The following NDUFAF6 variants were observed in gnomAD, a reference collection of about 807,000 sequenced individuals.
The protein encoded by NDUFAF6 is NADH dehydrogenase (ubiquinone) complex I, assembly factor 6.
A neutral mutation model predicts 40.8 loss-of-function variants in NDUFAF6; 45 were observed. The ratio of observed to expected loss-of-function variants is 1.10; its 90% CI spans 0.87 to 1.42. NDUFAF6 has a LOEUF of 1.42. Ranked by LOEUF, NDUFAF6 falls within the 40% of genes most tolerant of loss-of-function variation. The pLI is 0.00. For missense variants in NDUFAF6, 435 were observed against 418.5 expected (o/e 1.04, Z -0.34); for synonymous variants, 185 against 155.9 (o/e 1.19, Z -1.39).
chr8:95,039,731 C>G (rs1829948145), intron 3 of NDUFAF6, among the ~76,000 whole-genome samples: 1 of 151,816 alleles, frequency 6.6e-6, no homozygotes, highest in Admixed American at 6.6e-5. Flanking sequence ...GGGCTTTATC[C>G]TCCTGCGTCA....
intron 2 of NDUFAF6, among the ~76,000 whole-genome samples, chr8:95,004,541 G>A (rs193223660): frequency 1.3e-5 from 2 of 151,928 alleles, no homozygotes; most frequent in East Asian, 3.9e-4. Flanking sequence ...GTAGAAATGG[G>A]GTCTTTCTGT....
At chr8:94,954,261 C>T (rs972356489), upstream of NDUFAF6, among the ~76,000 whole-genome samples, 3 of 152,100 alleles carry the variant, frequency 2.0e-5, no homozygotes, top group Admixed American at 2.0e-4. Flanking sequence ...CAGGGTTTCA[C>T]CATGTTGGCC....
At chr8:95,073,803 C>T (rs1353753527) in intron 9 of NDUFAF6, among the ~76,000 whole-genome samples, 2 of 152,130 alleles carry the variant, frequency 1.3e-5, no homozygotes, top group Admixed American at 6.5e-5. Context: ...AGGGGAGAAA[C>T]CCAAAGAGTA....
At chr8:94,984,135 A>C (rs1825656167) in intron 2 of NDUFAF6, 1 of 152,226 alleles carries the variant, frequency 6.6e-6, no homozygotes, top group African/African-American at 2.4e-5. Flanking sequence ...CAGAAACCAG[A>C]GGTCCTATCA....
At chr8:95,049,752 C>T (rs1247115954) in intron 7 of NDUFAF6, among the ~76,000 whole-genome samples, 1 of 152,154 alleles carries the variant, frequency 6.6e-6, no homozygotes, top group Non-Finnish European at 1.5e-5. Flanking sequence ...ATAACATCTT[C>T]CTTTTCCATC....
intron 2 of NDUFAF6, among the ~76,000 whole-genome samples, chr8:95,010,338 C>T (rs1299415792): frequency 1.3e-5 from 2 of 152,152 alleles, no homozygotes; most frequent in East Asian, 1.9e-4. Flanking sequence ...GAGGAGGCCT[C>T]GGCCTCCCAA....
At chr8:95,039,346 G>A (rs1221543603) in intron 3 of NDUFAF6, among the ~76,000 whole-genome samples, 3 of 151,778 alleles carry the variant, frequency 2.0e-5, no homozygotes, top group Admixed American at 6.6e-5. Flanking sequence ...CCAGTTACTC[G>A]GGAGGCTGAG....
chr8:94,949,755 C>T (rs1177345813), intron 2 of NDUFAF6, among the ~76,000 whole-genome samples: 3 of 152,128 alleles, frequency 2.0e-5, no homozygotes, highest in African/African-American at 7.2e-5. Flanking sequence ...CGACCCCTCT[C>T]GCCGAGTGAA....
At chr8:95,115,406 C>A (rs570253254) in intron 4 of NDUFAF6, 1 of 152,160 alleles carries the variant, frequency 6.6e-6, no homozygotes, top group Non-Finnish European at 1.5e-5. Flanking sequence ...GTTATATTAT[C>A]ATTTCTTGGA....
downstream of NDUFAF6, among the ~76,000 whole-genome samples, chr8:95,077,669 C>T (rs1301783507): frequency 6.6e-6 from 1 of 152,168 alleles, no homozygotes; most frequent in Non-Finnish European, 1.5e-5. Context: ...GACAAGAGGG[C>T]ACTACTCTAC....
chr8:95,016,015 G>T (rs747874473), intron 2 of NDUFAF6, among the ~76,000 whole-genome samples: 1 of 152,102 alleles, frequency 6.6e-6, no homozygotes, highest in African/African-American at 2.4e-5. Flanking sequence ...CTGTTATCCC[G>T]GATGCTTACC....
At position 95,047,116 on chromosome 8, in the gene NDUFAF6, A is replaced by T. The variant is rs1255175968; in HGVS notation, c.703A>T (p.Ile235Phe). Residue 235 changes from isoleucine to phenylalanine, a missense_variant, in exon 6 of 9, where the codon ATT becomes TTT. Transcript: ENST00000396124. ...AAGAAAGGTGTTCCTTCCCATGGAT[A>T]TTTGTATGCTGGTAAGGCTGTAATT... ...SRRKVFLPMD[I>F]CMLHGVSQED... 6.2e-7 allele frequency: 1 copy of T among 1,614,148 alleles called. No individual in the cohort carries two copies. The highest frequency in any genetic ancestry group is 1.1e-5 in the South Asian group (1 of 91,084).
intron 1 of NDUFAF6, among the ~76,000 whole-genome samples, chr8:94,925,127 C>T (rs61099281): frequency 0.029 from 4,395 of 152,210 alleles, 186 homozygotes; most frequent in African/African-American, 0.098. Flanking sequence ...TCCTTCTTAC[C>T]CCTGGCACCC....
chr8:94,958,866 G>A (rs1289123655), intron 1 of NDUFAF6, among the ~76,000 whole-genome samples: 3 of 152,068 alleles, frequency 2.0e-5, no homozygotes, highest in Non-Finnish European at 4.4e-5. Context: ...ATGAATTTGC[G>A]AGGCACACAA....
chr8:95,114,417 G>C (rs1168577219), intron 4 of NDUFAF6, among the ~76,000 whole-genome samples: 1 of 152,204 alleles, frequency 6.6e-6, no homozygotes, highest in Non-Finnish European at 1.5e-5. Context: ...TGACTTTCCT[G>C]TGATTTCCCC....
intron 1 of NDUFAF6, among the ~76,000 whole-genome samples, chr8:94,898,787 C>T (rs990456917): frequency 1.3e-5 from 2 of 152,134 alleles, no homozygotes; most frequent in Admixed American, 6.5e-5. Flanking sequence ...TTAACTTAGT[C>T]ATTTATTCCT....
chr8:94,904,287 G>A (rs1818228540), intron 1 of NDUFAF6, among the ~76,000 whole-genome samples: 1 of 136,482 alleles, frequency 7.3e-6, no homozygotes, highest in Non-Finnish European at 1.5e-5. Context: ...GGGACTACAG[G>A]CACCCACCAT....
At chr8:94,957,609 G>A (rs1462664452), upstream of NDUFAF6, among the ~76,000 whole-genome samples, 1 of 152,160 alleles carries the variant, frequency 6.6e-6, no homozygotes, top group Admixed American at 6.5e-5. Flanking sequence ...TCTAGATCCA[G>A]CAAGATGGTC....
chr8:95,098,452 G>C (rs1001873086), upstream of NDUFAF6, among the ~76,000 whole-genome samples: 1 of 152,216 alleles, frequency 6.6e-6, no homozygotes, highest in African/African-American at 2.4e-5. Context: ...CAGATCACAA[G>C]GTCAGGAGTT....
Sources: allele counts gnomAD v4.1 joint callset (sites outside exome capture counted in the v4.1 genomes callset), GRCh38; gene constraint gnomAD v4.1.1; transcripts MANE v1.5; gene names NCBI Gene and HGNC (gene_info 2026-07-23, HGNC 2026-07-21).